Variants in SEMA6A observed in about 807,000 individuals in gnomAD.
SEMA6A encodes semaphorin 6A, also known as semaphorin-6A.
SEMA6A carries 25 observed loss-of-function variants against 96.8 expected under a neutral mutation model. The ratio of observed to expected loss-of-function variants is 0.26; its 90% CI spans 0.19 to 0.36. SEMA6A has a LOEUF of 0.36. Among genes scored for constraint, SEMA6A ranks in the 10% least tolerant of loss-of-function variants. SEMA6A has a pLI of 1.00. For synonymous variants in SEMA6A, 612 were observed against 518.0 expected (o/e 1.18, Z -2.46); for missense variants, 1,363 against 1,323.1 (o/e 1.03, Z -0.47).
In SEMA6A at chr5:116,444,843, C is replaced by T. The variant is rs1173173033; in HGVS notation, c.*1770G>A. On this transcript the variant is annotated 3_prime_UTR_variant, in exon 19 of 19. Coordinates refer to ENST00000343348, the MANE Select transcript of SEMA6A (RefSeq NM_020796.5). Reference sequence around the variant, plus strand: ...GTGCTGTGCACATGGCTTGGAGACTCCTCCCAGGTGTCTGCCCAACCGCGC... The same window carrying T: ...GTGCTGTGCACATGGCTTGGAGACTTCTCCCAGGTGTCTGCCCAACCGCGC... The T allele has an allele frequency of 1.3e-5, 2 of 152,450 alleles. No homozygotes were observed. Among genetic ancestry groups the T allele is most frequent in the African/African-American group, 2.4e-5 (1 of 41,460 alleles). 9.4% of individuals were successfully genotyped at this position (152,450 alleles called of 1,614,324 possible).
intron 18 of SEMA6A, among the ~76,000 whole-genome samples, chr5:116,448,131 A>T (rs1272646015): frequency 3.4e-5 from 5 of 148,474 alleles, no homozygotes; most frequent in Non-Finnish European, 4.4e-5. Flanking sequence ...CAGGAGTTGA[A>T]GACCAGCCTG....
At position 116,447,129 on chromosome 5, in the gene SEMA6A, G is replaced by A. The variant is rs752748427; in HGVS notation, c.2577C>T (p.Leu859=). The change falls in exon 19 of 19, where the codon CTC becomes CTT. Residue 859 remains leucine, a synonymous_variant. Transcript: ENST00000343348. ...CCCCATGGTTGGGACTCTTGCTGCT[G>A]AGATGTTCCTTGATGGTCTTATACT... is the stretch of plus-strand genomic sequence containing the variant. ...TLEYKTIKEH[L]SSKSPNHGVN... 6.2e-7 allele frequency: 1 copy of A among 1,613,988 alleles called. No individual in the cohort carries two copies. The highest frequency in any genetic ancestry group is 8.5e-7 in the Non-Finnish European group (1 of 1,179,878).
chr5:116,560,189 T>G (rs1048656689), intron 1 of SEMA6A, among the ~76,000 whole-genome samples: 1 of 152,208 alleles, frequency 6.6e-6, no homozygotes, highest in African/African-American at 2.4e-5. Context: ...CCTCCTTCAA[T>G]GGAGCCCAGC....
At chr5:116,540,804 C>T (rs1759928903) in intron 1 of SEMA6A, among the ~76,000 whole-genome samples, 1 of 152,186 alleles carries the variant, frequency 6.6e-6, no homozygotes, top group Non-Finnish European at 1.5e-5. Context: ...TAACTGGCAC[C>T]AATACCTGCC....
In SEMA6A at chr5:116,494,290, T is replaced by C. The variant is rs1286822410; in HGVS notation, c.444+1123A>G. Among the ~76,000 whole-genome samples the C allele has an allele frequency of 2.0e-5, 3 of 152,220 alleles. No individual in the cohort carries two copies. The South Asian group carries it at 6.2e-4, about 32-fold the overall frequency. On this transcript the variant is annotated intron_variant, in intron 6 of 18. Transcript: ENST00000343348. ...TGTTCCCTGCTAACTGGAATGCTTT[T>C]CTTCCTTCATTTGGCTAACTTCTCC...
At chr5:116,495,595 A>G in intron 5 of SEMA6A, 81 bp from the exon 6 acceptor site, 1 of 1,052,702 alleles carries the variant, frequency 9.5e-7, no homozygotes, top group Admixed American at 2.2e-5. Flanking sequence ...TGGTTGGCTG[A>G]CAGTAAGGTT....
chr5:116,504,154 GA>G (rs1030146305), intron 2 of SEMA6A, among the ~76,000 whole-genome samples: 1 of 151,816 alleles, frequency 6.6e-6, no homozygotes, highest in African/African-American at 2.4e-5. Flanking sequence ...AGATATTTAG[GA>G]AAAAAATGCT....
chr5:116,516,475 T>G (rs1175917888), intron 1 of SEMA6A, among the ~76,000 whole-genome samples: 1 of 152,258 alleles, frequency 6.6e-6, no homozygotes, highest in African/African-American at 2.4e-5. Flanking sequence ...TTATTAAATT[T>G]GATAGATATT....
chr5:116,565,924 G>A lies in SEMA6A; in HGVS notation c.-39+8261C>T, dbSNP rs1422555062. Among the ~76,000 whole-genome samples the A allele has an allele frequency of 2.0e-5, 3 of 152,260 alleles. No homozygotes were observed. The East Asian group carries it at 5.8e-4, about 29-fold the overall frequency. ...TCAAGGACAGTAGGAGTCTGGGGGA[G>A]GGGCGGGGAAGTGCTGAAGTCGCTG... On this transcript the variant is annotated intron_variant, in intron 1 of 18. Coordinates refer to ENST00000343348, the MANE Select transcript of SEMA6A (RefSeq NM_020796.5).
intron 5 of SEMA6A, 198 bp downstream of exon 5, chr5:116,496,053 G>C: frequency 1.9e-6 from 1 of 520,346 alleles, no homozygotes; most frequent in Non-Finnish European, 3.5e-6. Flanking sequence ...TGCAGGCCTA[G>C]CAGCTGTTGT....
At chr5:116,482,940 C>T (rs999757653) in intron 10 of SEMA6A, among the ~76,000 whole-genome samples, 1 of 152,274 alleles carries the variant, frequency 6.6e-6, no homozygotes, top group Admixed American at 6.5e-5. Flanking sequence ...CTCTGGAGAG[C>T]GTTCTGTGTC....
intron 1 of SEMA6A, among the ~76,000 whole-genome samples, chr5:116,570,769 A>T (rs1761179952): frequency 6.6e-6 from 1 of 152,260 alleles, no homozygotes; most frequent in East Asian, 1.9e-4. Flanking sequence ...CTCCTGGTTC[A>T]AAATAGTATT....
intron 16 of SEMA6A, among the ~76,000 whole-genome samples, chr5:116,473,359 T>C (rs559646480): frequency 3.9e-5 from 6 of 152,328 alleles, no homozygotes; most frequent in African/African-American, 1.2e-4. Context: ...GCAGACGAAA[T>C]GGTAACTGCA....
intron 1 of SEMA6A, among the ~76,000 whole-genome samples, chr5:116,518,229 G>A (rs541597020): frequency 6.6e-6 from 1 of 152,274 alleles, no homozygotes; most frequent in East Asian, 1.9e-4. Context: ...GCCCTCCACT[G>A]GCTGTCCCTC....
At chr5:116,559,377 T>TA (rs1489015595) in intron 1 of SEMA6A, among the ~76,000 whole-genome samples, 1 of 152,122 alleles carries the variant, frequency 6.6e-6, no homozygotes, top group Non-Finnish European at 1.5e-5. Context: ...GGAAGACAGG[T>TA]ACCCCCTGGA....
chr5:116,539,348 T>C (rs983475571), intron 1 of SEMA6A, among the ~76,000 whole-genome samples: 6 of 152,074 alleles, frequency 3.9e-5, no homozygotes, highest in African/African-American at 7.3e-5. Flanking sequence ...TAAAGATCTA[T>C]AGACTATTGA....
At chr5:116,486,720 T>A in intron 10 of SEMA6A, 29 bp downstream of exon 10, 1 of 1,571,094 alleles carries the variant, frequency 6.4e-7, no homozygotes, top group South Asian at 1.1e-5. Flanking sequence ...GAAGAATTGA[T>A]GAGGTCAACA....
intron 1 of SEMA6A, chr5:116,562,747 G>A (rs1760870233): frequency 1.4e-6 from 1 of 733,350 alleles, no homozygotes; most frequent in Non-Finnish European, 2.6e-6. Context: ...TGAAGGTGAA[G>A]GCAGACCGAG....
intron 18 of SEMA6A, among the ~76,000 whole-genome samples, chr5:116,454,825 CGTGTGTGT>C (rs955848229): frequency 6.6e-6 from 1 of 150,650 alleles, no homozygotes; most frequent in Non-Finnish European, 1.5e-5. Context: ...TGTGTGTGCG[CGTGTGTGT>C]GTATGTATGT....
Sources: allele counts gnomAD v4.1 joint callset (sites outside exome capture counted in the v4.1 genomes callset), GRCh38; gene constraint gnomAD v4.1.1; transcripts MANE v1.5; gene names NCBI Gene and HGNC (gene_info 2026-07-23, HGNC 2026-07-21).